Variants in NIPBL observed in about 807,000 individuals in gnomAD.
NIPBL encodes the protein nipped-B-like protein.
NIPBL carries 19 observed loss-of-function variants against 321.8 expected under a neutral mutation model. That is an observed-to-expected ratio of 0.06 (90% CI 0.04 to 0.09). NIPBL has a LOEUF of 0.09. NIPBL is among the 10% of genes least tolerant of loss of function. The pLI is 1.00. For synonymous variants in NIPBL, 1,106 were observed against 1,114.1 expected, an observed-to-expected ratio of 0.99 and a Z score of 0.14; for missense variants, 2,210 against 3,327.0, an observed-to-expected ratio of 0.66 and a Z score of 8.26.
In NIPBL at chr5:36,962,090, C is replaced by T. The variant is rs1473159038; in HGVS notation, c.459-33C>T. On this transcript the variant is annotated intron_variant, in intron 5 of 46. Coordinates refer to ENST00000282516, the MANE Select transcript of NIPBL (RefSeq NM_133433.4). ...AGGAATAGCGTGTTTATTTTATTTC[C>T]TTATATTTTTTTATTTGGGTTTTGG... 3 of 1,612,860 alleles carry T rather than the reference C, an allele frequency of 1.9e-6. No individual in the cohort carries two copies. In the African/African-American group the frequency reaches 4.0e-5, roughly 22 times the overall value.
At chr5:36,953,983 A>G (rs1740680579) in intron 2 of NIPBL, among the ~76,000 whole-genome samples, 1 of 152,130 alleles carries the variant, frequency 6.6e-6, no homozygotes, top group Non-Finnish European at 1.5e-5. Flanking sequence ...AGCTTGTTGG[A>G]GGTATCAGCA....
At chr5:36,953,906 T>G (rs1354842498) in intron 2 of NIPBL, 146 bp downstream of exon 2, 1 of 683,240 alleles carries the variant, frequency 1.5e-6, no homozygotes, top group Non-Finnish European at 2.6e-6. Flanking sequence ...AAAAAAAAAT[T>G]GATAGCCTAA....
chr5:37,049,355 T>G, intron 40 of NIPBL, 54 bp downstream of exon 40: 2 of 1,545,882 alleles, frequency 1.3e-6, no homozygotes, highest in Middle Eastern at 1.7e-4. Flanking sequence ...TTAGTTGTAA[T>G]TTGATACATT....
At position 37,044,252 on chromosome 5, in the gene NIPBL, C is replaced by T. The variant is rs1579556134; in HGVS notation, c.6109-95C>T. On this transcript the variant is annotated intron_variant, in intron 34 of 46. Coordinates refer to ENST00000282516, the MANE Select transcript of NIPBL (RefSeq NM_133433.4). ...TTTTTTTTAACTGGACCTTTACGTG[C>T]AAAATGCCCTATTTCTGCCCCCAAA... is the stretch of plus-strand genomic sequence containing the variant. 23 of 1,144,302 alleles carry T rather than the reference C, an allele frequency of 2.0e-5. No individual in the cohort carries two copies. The East Asian group carries it at 6.2e-4, about 31-fold the overall frequency. 70.9% of individuals were successfully genotyped at this position (1,144,302 alleles called of 1,614,324 possible). A position where few individuals can be genotyped will look rare whatever the true frequency, so the allele number is the denominator to read the frequency against.
intron 1 of NIPBL, among the ~76,000 whole-genome samples, chr5:36,914,724 C>T (rs955585245): frequency 6.6e-5 from 10 of 152,160 alleles, no homozygotes; most frequent in African/African-American, 2.4e-4. Context: ...CTTTCAGTGA[C>T]AAACAGTGGC....
chr5:37,018,336 C>T (rs940695698), intron 24 of NIPBL, among the ~76,000 whole-genome samples: 2 of 152,184 alleles, frequency 1.3e-5, no homozygotes, highest in African/African-American at 4.8e-5. Context: ...AATACCTACT[C>T]TGGTAAATTA....
intron 1 of NIPBL, among the ~76,000 whole-genome samples, chr5:36,951,228 T>C (rs1740252734): frequency 6.6e-6 from 1 of 152,184 alleles, no homozygotes; most frequent in Non-Finnish European, 1.5e-5. Context: ...ACTAAATACA[T>C]AGTCATTTTT....
chr5:36,993,328 G>T (rs551137872), intron 10 of NIPBL, among the ~76,000 whole-genome samples: 3 of 152,260 alleles, frequency 2.0e-5, no homozygotes, highest in African/African-American at 7.2e-5. Flanking sequence ...AAATGATCTA[G>T]AGGATACTAG....
intron 1 of NIPBL, among the ~76,000 whole-genome samples, chr5:36,925,590 C>T (rs1208530493): frequency 6.6e-6 from 1 of 152,098 alleles, no homozygotes; most frequent in Non-Finnish European, 1.5e-5. Context: ...TAAAATAACT[C>T]TGAGGTAGGC....
chr5:36,916,078 G>A, intron 1 of NIPBL, among the ~76,000 whole-genome samples: 1 of 152,198 alleles, frequency 6.6e-6, no homozygotes, highest in Non-Finnish European at 1.5e-5. Flanking sequence ...TGTGGTAGTT[G>A]TCCTTTCTTC....
intron 1 of NIPBL, among the ~76,000 whole-genome samples, chr5:36,905,153 A>G (rs1301100831): frequency 2.0e-5 from 3 of 152,212 alleles, no homozygotes; most frequent in African/African-American, 7.2e-5. Flanking sequence ...GCCAAAAAAA[A>G]TTAGTCAAGA....
Position 36,996,156 on chromosome 5 carries a change from A to G in NIPBL, c.3304+352A>G, listed in dbSNP as rs1746123459. Reference sequence around the variant, plus strand: ...AAGAGCCTTCAGTCTAATGGGGGAAATATGTAAATAAATAATTGCAGTATG... The same window carrying G: ...AAGAGCCTTCAGTCTAATGGGGGAAGTATGTAAATAAATAATTGCAGTATG... On this transcript the variant is annotated intron_variant, in intron 11 of 46. Coordinates refer to ENST00000282516, the MANE Select transcript of NIPBL (RefSeq NM_133433.4). This position sits in a 1 kb window ranked among gnomAD's most constrained non-coding sequence, Gnocchi z 5.0. 6.6e-6 allele frequency among the ~76,000 whole-genome samples: 1 copy of G among 152,190 alleles called. No homozygotes were observed. Among genetic ancestry groups the G allele is most frequent in the South Asian group, 2.1e-4 (1 of 4,824 alleles).
chr5:36,995,635 A>C lies in NIPBL; in HGVS notation c.3135A>C (p.Gln1045His). The change falls in exon 11 of 47, where the codon CAA becomes CAC. Residue 1045 changes from glutamine (Q) to histidine (H), a missense_variant. Physicochemically the swap from Gln to His is conservative, Grantham distance 24. Transcript: ENST00000282516. ...TTTCATTAATAGGTAGTATAGATCA[A>C]TCAGTGTTAAAAGAATTACCCCCTG... ...PSKSNKGSID[Q>H]SVLKELPPEL... 1 of 1,611,442 alleles carries C rather than the reference A, an allele frequency of 6.2e-7. No homozygotes were observed. The highest frequency in any genetic ancestry group is 8.5e-7 in the Non-Finnish European group (1 of 1,177,726).
intron 1 of NIPBL, among the ~76,000 whole-genome samples, chr5:36,946,987 G>A (rs1739759838): frequency 6.6e-6 from 1 of 152,030 alleles, no homozygotes; most frequent in Admixed American, 6.6e-5. Context: ...TCTGCTGCAT[G>A]CTGCCTGTTT....
At chr5:36,936,100 A>G (rs1048479653) in intron 1 of NIPBL, among the ~76,000 whole-genome samples, 7 of 152,150 alleles carry the variant, frequency 4.6e-5, no homozygotes, top group Non-Finnish European at 8.8e-5. Flanking sequence ...GTAATTGCAT[A>G]GTTATAGTCC....
rs372730081 is a variant in NIPBL at position 37,045,499 on chromosome 5, C to T, written c.6400C>T (p.Leu2134=). The change falls in exon 37 of 47, where the codon CTA becomes TTA. Residue 2134 remains leucine (L), a synonymous_variant. Transcript: ENST00000282516. ...AGAGGACCCAAATAACACTTCACTT[C>T]TAACAAACAAACCAGCACTTCTTAG... is the stretch of plus-strand genomic sequence containing the variant. ...HQEDPNNTSL[L]TNKPALLRSL... 3.5e-5 allele frequency: 57 copies of T among 1,613,914 alleles called. No homozygotes were observed. Among genetic ancestry groups the T allele is most frequent in the Non-Finnish European group, 4.8e-5 (57 of 1,179,938 alleles).
intron 1 of NIPBL, among the ~76,000 whole-genome samples, chr5:36,904,297 T>C (rs151944): frequency 0.53 from 80,807 of 152,054 alleles, 22,511 homozygotes; most frequent in African/African-American, 0.7. Flanking sequence ...GGTGAAACCC[T>C]ATCTCTGCTA....
intron 10 of NIPBL, among the ~76,000 whole-genome samples, chr5:36,989,293 A>G (rs1248779546): frequency 2.0e-5 from 3 of 152,148 alleles, no homozygotes; most frequent in Admixed American, 6.5e-5. Context: ...ATTTTGATCT[A>G]TACTGGGATT....
At chr5:37,049,020 T>G in intron 39 of NIPBL, 91 bp from the exon 40 acceptor site, 4 of 1,281,070 alleles carry the variant, frequency 3.1e-6, no homozygotes, top group Non-Finnish European at 4.5e-6. Flanking sequence ...TGTAACGTTT[T>G]GTGATTTTGG....
Sources: gnomAD v4.1 joint callset for allele counts (sites outside exome capture counted in the v4.1 genomes callset) on GRCh38, gnomAD v4.1.1 for gene constraint, Gnocchi (gnomAD v3.1) non-coding constraint, MANE v1.5 for transcripts, NCBI Gene and HGNC (gene_info 2026-07-23, HGNC 2026-07-21) for gene names.